SLAMF7: variants seen among roughly 807,000 people sequenced by gnomAD.
SLAMF7 encodes the protein 19A24 protein.
In SLAMF7, 26 loss-of-function variants were observed where a neutral mutation model predicts 34.1. That is an observed-to-expected ratio of 0.76 (90% CI 0.56 to 1.06). SLAMF7 has a LOEUF of 1.06. SLAMF7 is among the 50% of genes least tolerant of loss of function. The pLI is 0.00. For synonymous variants in SLAMF7, 171 were observed against 156.4 expected (o/e 1.09, Z -0.70); for missense variants, 399 against 402.5 (o/e 0.99, Z 0.07).
rs763804494 is a variant in SLAMF7 at position 160,752,232 on chromosome 1, T to C, written c.920T>C (p.Val307Ala). 4 of 1,613,174 alleles carry C rather than the reference T, an allele frequency of 2.5e-6. No homozygotes were observed. The highest frequency in any genetic ancestry group is 2.2e-5 in the East Asian group (1 of 44,846). ...CCAGCAAATACGGTTTACTCCACTG[T>C]GGAAATACCGAAAAAGGTAAGAAGC... ...EDPANTVYSTVEIPKKMENPH... is the reference protein window; with the variant it reads ...EDPANTVYSTAEIPKKMENPH... Residue 307 changes from valine to alanine, a missense_variant, in exon 6 of 7, where the codon GTG becomes GCG. Physicochemically the swap from Val to Ala is moderately conservative, Grantham distance 64. Coordinates refer to ENST00000368043, the MANE Select transcript of SLAMF7 (RefSeq NM_021181.5).
At position 160,744,951 on chromosome 1, in the gene SLAMF7, G is replaced by A. The variant is rs534028251; in HGVS notation, c.56-3243G>A. Among the ~76,000 whole-genome samples, 9 of 152,132 alleles carry A rather than the reference G, an allele frequency of 5.9e-5. No individual in the cohort carries two copies. In the East Asian group the frequency reaches 7.7e-4, roughly 13 times the overall value. On this transcript the variant is annotated intron_variant, in intron 1 of 6. Transcript: ENST00000368043. ...AAGAGAGCAGTCGAAAAACCATCCCGGCCTTAATATTAAGGAAGCATAGAG... is the reference window on the plus strand; with the variant it reads ...AAGAGAGCAGTCGAAAAACCATCCCAGCCTTAATATTAAGGAAGCATAGAG...
chr1:160,752,862 A>C (rs918917532), intron 6 of SLAMF7, among the ~76,000 whole-genome samples: 2 of 152,214 alleles, frequency 1.3e-5, no homozygotes, highest in African/African-American at 4.8e-5. Context: ...TGGTTTAGTG[A>C]ATTATTACAA....
chr1:160,739,954 A>G (rs1309938019), intron 1 of SLAMF7, among the ~76,000 whole-genome samples: 1 of 152,154 alleles, frequency 6.6e-6, no homozygotes, highest in Non-Finnish European at 1.5e-5. Context: ...CTGGTATTCT[A>G]GTCTTTGAAG....
In SLAMF7 at chr1:160,753,643, T is replaced by C. The variant is rs2101690459; in HGVS notation, c.*466T>C. 5.9e-6 allele frequency: 1 copy of C among 170,746 alleles called. No individual in the cohort carries two copies. The highest frequency in any genetic ancestry group is 1.5e-4 in the South Asian group (1 of 6,654). 10.6% of individuals were successfully genotyped at this position (170,746 alleles called of 1,614,324 possible). On this transcript the variant is annotated 3_prime_UTR_variant, in exon 7 of 7. Coordinates refer to ENST00000368043, the MANE Select transcript of SLAMF7 (RefSeq NM_021181.5). Reference sequence around the variant, plus strand: ...GACAGACAAGTCCAGCAGAAGCAGATGCACCTGACAAAAATGGATGTATTA... The same window carrying C: ...GACAGACAAGTCCAGCAGAAGCAGACGCACCTGACAAAAATGGATGTATTA...
At chr1:160,739,882 T>C (rs959471387) in intron 1 of SLAMF7, 4 of 153,608 alleles carry the variant, frequency 2.6e-5, no homozygotes, top group African/African-American at 7.2e-5. Flanking sequence ...GAGAACCAAC[T>C]CATACCATAG....
At position 160,753,169 on chromosome 1, in the gene SLAMF7, G is replaced by A. The variant is rs1664773986; in HGVS notation, c.1000G>A (p.Val334Ile). The A allele has an allele frequency of 6.2e-7, 1 of 1,612,096 alleles. No individual in the cohort carries two copies. Among genetic ancestry groups the A allele is most frequent in the African/African-American group, 1.3e-5 (1 of 74,836 alleles). Reference sequence around the variant, plus strand: ...ACCAAGGCTATTTGCCTATGAGAATGTTATCTAGACAGCAGTGCACTCCCC... The same window carrying A: ...ACCAAGGCTATTTGCCTATGAGAATATTATCTAGACAGCAGTGCACTCCCC... ...DTPRLFAYEN[V>I]I The change falls in exon 7 of 7, where the codon GTT (valine) becomes ATT (isoleucine). Residue 334 changes from valine (V) to isoleucine (I), a missense_variant. Physicochemically the swap from Val to Ile is conservative, Grantham distance 29 (BLOSUM62 3). Transcript: ENST00000368043.
rs538112723 is a variant in SLAMF7 at position 160,739,297 on chromosome 1, G to A, written c.-5G>A. 1 of 1,613,874 alleles carries A rather than the reference G, an allele frequency of 6.2e-7. No homozygotes were observed. The highest frequency in any genetic ancestry group is 1.3e-5 in the African/African-American group (1 of 75,010). On this transcript the variant is annotated 5_prime_UTR_variant, in exon 1 of 7. Transcript: ENST00000368043. ...CATTTCAGTGGCTGACTTCCAGAGAGCAATATGGCTGGTTCCCCAACATGC... is the reference window on the plus strand; with the variant it reads ...CATTTCAGTGGCTGACTTCCAGAGAACAATATGGCTGGTTCCCCAACATGC...
At chr1:160,749,360 C>T (rs901987618) in intron 2 of SLAMF7, among the ~76,000 whole-genome samples, 2 of 152,192 alleles carry the variant, frequency 1.3e-5, no homozygotes, top group Non-Finnish European at 2.9e-5. Context: ...TACTCATTCT[C>T]TGAGGCAGGG....
chr1:160,743,855 AT>A (rs558275399), intron 1 of SLAMF7, among the ~76,000 whole-genome samples: 29 of 151,906 alleles, frequency 1.9e-4, no homozygotes, highest in Non-Finnish European at 4.1e-4. Flanking sequence ...CGCCCAACTA[AT>A]TTTTTCATTT....
At chr1:160,753,070 C>T (rs1426508221) in intron 6 of SLAMF7, 36 bp from the exon 7 acceptor site, 2 of 1,596,692 alleles carry the variant, frequency 1.3e-6, no homozygotes, top group Non-Finnish European at 8.6e-7. Flanking sequence ...GCCCTGCTCA[C>T]CTCCCTCACT....
rs1044078622 is a variant in SLAMF7, at chr1:160,748,067, G to T, written c.56-127G>T. The T allele has an allele frequency of 2.3e-5, 20 of 879,208 alleles. 1 individual carries two copies. Among genetic ancestry groups the T allele is most frequent in the Admixed American group, 5.8e-5 (2 of 34,606 alleles). 54.5% of individuals were successfully genotyped at this position (879,208 alleles called of 1,614,324 possible). A position where few individuals can be genotyped will look rare whatever the true frequency, so the allele number is the denominator to read the frequency against. ...GGGACCTCTATATGAGGTTCCAAAGGCTTTTCCAGGAGGTTGTTGTGTTGG... is the reference window on the plus strand; with the variant it reads ...GGGACCTCTATATGAGGTTCCAAAGTCTTTTCCAGGAGGTTGTTGTGTTGG... On this transcript the variant is annotated intron_variant, in intron 1 of 6. Transcript: ENST00000368043.
chr1:160,748,577 G>A, intron 2 of SLAMF7, 63 bp downstream of exon 2: 2 of 1,456,362 alleles, frequency 1.4e-6, no homozygotes, highest in South Asian at 1.3e-5. Flanking sequence ...TCCTTGACAT[G>A]AGAGATGTTT....
At position 160,749,857 on chromosome 1, in the gene SLAMF7, A is replaced by G. The variant is rs1664415880; in HGVS notation, c.413A>G (p.Gln138Arg). 2 of 1,612,266 alleles carry G rather than the reference A, an allele frequency of 1.2e-6. No homozygotes were observed. The highest frequency in any genetic ancestry group is 1.3e-5 in the African/African-American group (1 of 74,872). The change falls in exon 3 of 7, where the codon CAG becomes CGG. Residue 138 changes from glutamine (Q) to arginine (R), a missense_variant. Transcript: ENST00000368043. ...LSKPKVTMGLQSNKNGTCVTN... is the reference protein window; with the variant it reads ...LSKPKVTMGLRSNKNGTCVTN... ...AAGCCTAAAGTCACCATGGGTCTGCAGAGCAATAAGAATGGCACCTGTGTG... is the reference window on the plus strand; with the variant it reads ...AAGCCTAAAGTCACCATGGGTCTGCGGAGCAATAAGAATGGCACCTGTGTG...
chr1:160,743,661 AC>A (rs1259393183), intron 1 of SLAMF7, among the ~76,000 whole-genome samples: 1 of 152,092 alleles, frequency 6.6e-6, no homozygotes, highest in Non-Finnish European at 1.5e-5. Flanking sequence ...ATATCATGGG[AC>A]CCAATCCTCT....
At chr1:160,748,130 G>A (rs937286334) in intron 1 of SLAMF7, 64 bp from the exon 2 acceptor site, 2 of 1,534,152 alleles carry the variant, frequency 1.3e-6, no homozygotes, top group Non-Finnish European at 8.9e-7. Flanking sequence ...GGACCCAAAG[G>A]GGGTGAGTAA....
At chr1:160,751,532 T>C (rs1664585254) in intron 5 of SLAMF7, 84 bp downstream of exon 5, 2 of 1,114,412 alleles carry the variant, frequency 1.8e-6, no homozygotes, top group African/African-American at 1.5e-5. Flanking sequence ...TTGGACAACA[T>C]GGGAATGAAG....
In SLAMF7 at chr1:160,749,974, G is replaced by C; in HGVS notation, c.530G>C (p.Gly177Ala). The C allele has an allele frequency of 6.2e-7, 1 of 1,614,082 alleles. No individual in the cohort carries two copies. The highest frequency in any genetic ancestry group is 8.5e-7 in the Non-Finnish European group (1 of 1,179,968). ...LGQAANESHNGSILPISWRWG... is the reference protein window; with the variant it reads ...LGQAANESHNASILPISWRWG... Reference sequence around the variant, plus strand: ...CAAGCAGCCAATGAGTCCCATAATGGGTCCATCCTCCCCATCTCCTGGAGA... The same window carrying C: ...CAAGCAGCCAATGAGTCCCATAATGCGTCCATCCTCCCCATCTCCTGGAGA... The change falls in exon 3 of 7, where the codon GGG (glycine) becomes GCG (alanine). Residue 177 changes from glycine (G) to alanine (A), a missense_variant. Transcript: ENST00000368043.
chr1:160,746,987 G>T (rs116906690), intron 1 of SLAMF7, among the ~76,000 whole-genome samples: 7 of 152,086 alleles, frequency 4.6e-5, no homozygotes, highest in African/African-American at 7.2e-5. Context: ...ATCAAAATCC[G>T]CATGCTCTCT....
At chr1:160,741,176 C>T (rs1368970747) in intron 1 of SLAMF7, among the ~76,000 whole-genome samples, 1 of 152,188 alleles carries the variant, frequency 6.6e-6, no homozygotes, top group Non-Finnish European at 1.5e-5. Flanking sequence ...TGAAGCAGTT[C>T]TCATGGCCTC....
Sources: gnomAD v4.1 joint callset for allele counts (sites outside exome capture counted in the v4.1 genomes callset) on GRCh38, gnomAD v4.1.1 for gene constraint, MANE v1.5 for transcripts, NCBI Gene and HGNC (gene_info 2026-07-23, HGNC 2026-07-21) for gene names.